Variants in BDH1 observed in about 807,000 individuals in gnomAD.
BDH1 encodes D-beta-hydroxybutyrate dehydrogenase, mitochondrial.
BDH1 carries 30 observed loss-of-function variants against 33.1 expected under a neutral mutation model. The ratio of observed to expected loss-of-function variants is 0.91; its 90% CI spans 0.68 to 1.23. The LOEUF is 1.23. BDH1 is among the 50% of genes most tolerant of loss of function. The pLI, the probability that BDH1 is intolerant of heterozygous loss-of-function variation, is 0.00. For missense variants in BDH1, 443 were observed against 464.4 expected, an observed-to-expected ratio of 0.95 and a Z score of 0.42; for synonymous variants, 190 against 183.6, an observed-to-expected ratio of 1.03 and a Z score of -0.28.
At chr3:197,551,547 T>C (rs1485413927) in intron 2 of BDH1, among the ~76,000 whole-genome samples, 2 of 152,210 alleles carry the variant, frequency 1.3e-5, no homozygotes, top group African/African-American at 4.8e-5. Flanking sequence ...AGTGCAGATA[T>C]CTCTTCAATA....
intron 2 of BDH1, among the ~76,000 whole-genome samples, chr3:197,548,696 C>CA (rs1039572298): frequency 1.3e-5 from 2 of 150,970 alleles, no homozygotes; most frequent in East Asian, 3.9e-4. Flanking sequence ...ACTAAAAATA[C>CA]AAAAAATAGC....
In BDH1 at chr3:197,570,255, G is replaced by A. The variant is rs1010631826; in HGVS notation, c.-44+2926C>T. Among the ~76,000 whole-genome samples the A allele has an allele frequency of 6.6e-5, 10 of 152,338 alleles. No individual in the cohort carries two copies. The South Asian group carries it at 2.1e-3, about 32-fold the overall frequency. ...AAGTGTGACTTGGGTGCTGTTAAAA[G>A]CATTCAGTTTTAAAAGGGAAACAGA... On this transcript the variant is annotated intron_variant, in intron 1 of 6. Transcript: ENST00000358186.
Position 197,554,095 on chromosome 3 carries a change from T to C in BDH1, c.-44+467A>G, listed in dbSNP as rs953171956. Among the ~76,000 whole-genome samples, 1 of 152,208 alleles carries C rather than the reference T, an allele frequency of 6.6e-6. No individual in the cohort carries two copies. Among genetic ancestry groups the C allele is most frequent in the Non-Finnish European group, 1.5e-5 (1 of 68,032 alleles). ...CTACACCATCCCTCAACAAGCCCTG[T>C]ACTTTCCAATTTTCGAGCCTTGCTC... is the stretch of plus-strand genomic sequence containing the variant. On this transcript the variant is annotated intron_variant, in intron 2 of 7. Transcript: ENST00000392379. The surrounding 1 kb of genome is among the most constrained non-coding windows in gnomAD (Gnocchi z 4.4).
chr3:197,532,277 G>A (rs1714735478), intron 5 of BDH1, 135 bp downstream of exon 5: 4 of 672,450 alleles, frequency 5.9e-6, no homozygotes, highest in Non-Finnish European at 8.0e-6. Flanking sequence ...GAACAAGTGG[G>A]ACTGAAGCCG....
At chr3:197,558,512 C>G (rs185623134), upstream of BDH1, among the ~76,000 whole-genome samples, 2 of 152,240 alleles carry the variant, frequency 1.3e-5, no homozygotes, top group Admixed American at 1.3e-4. Flanking sequence ...TTCTCTTTCC[C>G]TCCTTCCCTA....
rs955328445 is a variant in BDH1 at position 197,511,685 on chromosome 3, C to G, written c.*210G>C. ...CATGTTTGCCCTGAGATTTAGAGGC[C>G]TCTGCCTGCCACTCCACACCCTGTT... On this transcript the variant is annotated 3_prime_UTR_variant, in exon 8 of 8. Coordinates refer to ENST00000392379, the MANE Select transcript of BDH1 (RefSeq NM_203314.3). The G allele has an allele frequency of 1.4e-4, 67 of 486,530 alleles. No homozygotes were observed. The highest frequency in any genetic ancestry group is 2.2e-4 in the Non-Finnish European group (63 of 280,016). 30.1% of individuals were successfully genotyped at this position (486,530 alleles called of 1,614,324 possible).
At chr3:197,564,421 C>T (rs1329265332) in intron 1 of BDH1, among the ~76,000 whole-genome samples, 2 of 152,026 alleles carry the variant, frequency 1.3e-5, no homozygotes, top group African/African-American at 4.8e-5. Flanking sequence ...GGTTATTACA[C>T]CCATATGTCT....
At chr3:197,546,545 C>T in intron 2 of BDH1, 59 bp from the exon 3 acceptor site, 4 of 1,164,450 alleles carry the variant, frequency 3.4e-6, no homozygotes, top group Non-Finnish European at 5.1e-6. Flanking sequence ...TAATCAGGAG[C>T]AGTCATGTTC....
At chr3:197,530,857 A>T (rs534169772) in intron 5 of BDH1, 2 of 152,652 alleles carry the variant, frequency 1.3e-5, no homozygotes, top group Non-Finnish European at 2.9e-5. Flanking sequence ...CACTTGTGTA[A>T]CATGGGGAAA....
chr3:197,545,847 G>A (rs1716030711), intron 3 of BDH1, among the ~76,000 whole-genome samples: 2 of 152,252 alleles, frequency 1.3e-5, no homozygotes, highest in Non-Finnish European at 2.9e-5. Flanking sequence ...GTTTTAAGAA[G>A]TGGTTATGGC....
intron 5 of BDH1, among the ~76,000 whole-genome samples, chr3:197,524,301 A>T (rs1354771437): frequency 1.3e-5 from 2 of 152,368 alleles, no homozygotes; most frequent in East Asian, 3.9e-4. Context: ...TGCCCATGGC[A>T]CACACAGCTG....
At position 197,522,694 on chromosome 3, in the gene BDH1, C is replaced by G; in HGVS notation, c.355G>C (p.Glu119Gln). ...ACAATCTCCACCACTTTCTCCACCT[C>G]TTCGCTGCTGCAGACATTGAGCTGG... ...TVQLNVCSSEEVEKVVEIVRS... is the reference protein window; with the variant it reads ...TVQLNVCSSEQVEKVVEIVRS... Residue 119 changes from glutamate to glutamine, a missense_variant, in exon 6 of 8, where the codon GAG (glutamate) becomes CAG (glutamine). Glu to Gln is a conservative substitution (Grantham distance 29). Transcript: ENST00000392379. The surrounding 1 kb of genome is among the most constrained non-coding windows in gnomAD (Gnocchi z 4.8). 4 of 1,614,222 alleles carry G rather than the reference C, an allele frequency of 2.5e-6. No individual in the cohort carries two copies. The highest frequency in any genetic ancestry group is 3.4e-6 in the Non-Finnish European group (4 of 1,180,038).
In BDH1 at chr3:197,526,285, G is replaced by C. The variant is rs1338521149; in HGVS notation, c.268-3504C>G. 6.6e-6 allele frequency among the ~76,000 whole-genome samples: 1 copy of C among 152,182 alleles called. No homozygotes were observed. The highest frequency in any genetic ancestry group is 1.5e-5 in the Non-Finnish European group (1 of 68,032). On this transcript the variant is annotated intron_variant, in intron 5 of 7. Coordinates refer to ENST00000392379, the MANE Select transcript of BDH1 (RefSeq NM_203314.3). The surrounding 1 kb of genome is among the most constrained non-coding windows in gnomAD (Gnocchi z 4.7). The stretch of plus-strand genomic sequence containing the variant: ...CTGAGGGCTGTGGGAAGTAGGTGCT[G>C]GTGGAGGTTGTCTTTCTCACTGTTT...
upstream of BDH1, among the ~76,000 whole-genome samples, chr3:197,559,106 G>A (rs1242568922): frequency 7.3e-5 from 11 of 151,354 alleles, no homozygotes; most frequent in Admixed American, 2.0e-4. Flanking sequence ...GGGTTCAAGC[G>A]ATTCTCCTGC....
rs774007990 is a variant in BDH1 at position 197,511,863 on chromosome 3, G to C, written c.*32C>G. The C allele has an allele frequency of 1.8e-5, 27 of 1,522,544 alleles. No individual in the cohort carries two copies. In the South Asian group the frequency reaches 3.3e-4, roughly 18 times the overall value. 94.3% of individuals were successfully genotyped at this position (1,522,544 alleles called of 1,614,324 possible). On this transcript the variant is annotated 3_prime_UTR_variant, in exon 8 of 8. Coordinates refer to ENST00000392379, the MANE Select transcript of BDH1 (RefSeq NM_203314.3). ...TCCTCCCTCCCCTCCCCTTCCACCA[G>C]GGATCCCTGACAGAGGCCACAGCGA...
In BDH1 at chr3:197,532,500, A is replaced by C; in HGVS notation, c.179T>G (p.Val60Gly). Residue 60 changes from valine to glycine, a missense_variant, in exon 5 of 8, where the codon GTC (valine) becomes GGC (glycine). Physicochemically the swap from Val to Gly is moderately radical, Grantham distance 109. Transcript: ENST00000392379. Reference protein sequence around the residue: ...AEPVGSKAVLVTGCDSGFGFS... With the variant: ...AEPVGSKAVLGTGCDSGFGFS... The stretch of plus-strand genomic sequence containing the variant: ...CCCAAATCCAGAGTCACAGCCTGTG[A>C]CCAGGACAGCTTTGCTGCCAACCTG... 6.2e-7 allele frequency: 1 copy of C among 1,614,174 alleles called. No homozygotes were observed. Among genetic ancestry groups the C allele is most frequent in the Non-Finnish European group, 8.5e-7 (1 of 1,179,988 alleles).
At chr3:197,548,115 G>T (rs1716241309) in intron 2 of BDH1, among the ~76,000 whole-genome samples, 1 of 152,248 alleles carries the variant, frequency 6.6e-6, no homozygotes, top group South Asian at 2.1e-4. Context: ...TGGGAGCTGA[G>T]CGGGCTCCCG....
At position 197,554,248 on chromosome 3, in the gene BDH1, C is replaced by T. The variant is rs139989898; in HGVS notation, c.-44+314G>A. On this transcript the variant is annotated intron_variant, in intron 2 of 7. Coordinates refer to ENST00000392379, the MANE Select transcript of BDH1 (RefSeq NM_203314.3). The surrounding 1 kb of genome is among the most constrained non-coding windows in gnomAD (Gnocchi z 4.4). ...TCTCCTCCCTTCTGTGCCTCTGTAA[C>T]TGCACCTACCTAGCCAGGGTCGTAT... 6.6e-6 allele frequency: 1 copy of T among 152,368 alleles called. No homozygotes were observed. The highest frequency in any genetic ancestry group is 2.4e-5 in the African/African-American group (1 of 41,580). 9.4% of individuals were successfully genotyped at this position (152,368 alleles called of 1,614,324 possible).
At chr3:197,567,044 TTTG>T (rs201545714) in intron 1 of BDH1, among the ~76,000 whole-genome samples, 2,439 of 152,210 alleles carry the variant, frequency 0.016, 35 homozygotes, top group Non-Finnish European at 0.024. Flanking sequence ...TGTTCTTTTG[TTTG>T]TTGTTGTTTT....
Sources: allele counts gnomAD v4.1 joint callset (sites outside exome capture counted in the v4.1 genomes callset), GRCh38; gene constraint gnomAD v4.1.1; non-coding constraint Gnocchi (gnomAD v3.1); transcripts MANE v1.5; gene names NCBI Gene and HGNC (gene_info 2026-07-23, HGNC 2026-07-21).